Variants in WNK1 observed in about 807,000 individuals in gnomAD.
WNK1 encodes the protein WNK lysine deficient protein kinase 1, also known as serine/threonine-protein kinase WNK1.
Under a neutral mutation model 222.8 loss-of-function variants are expected in WNK1, and 38 were observed. That is an observed-to-expected ratio of 0.17 (90% CI 0.13 to 0.22). The LOEUF (loss-of-function observed/expected upper bound fraction) is 0.22. WNK1 is among the 10% of genes least tolerant of loss of function. WNK1 has a pLI of 1.00. For missense variants in WNK1, 2,348 were observed against 2,918.4 expected (o/e 0.80, Z 4.50); for synonymous variants, 1,090 against 1,092.9 (o/e 1.00, Z 0.05).
intron 1 of WNK1, among the ~76,000 whole-genome samples, chr12:799,710 G>A (rs951999446): frequency 1.3e-5 from 2 of 150,854 alleles, no homozygotes; most frequent in South Asian, 4.2e-4. Flanking sequence ...TTTTTGAGAC[G>A]GAATCTTGCT....
chr12:778,396 C>A (rs1943337983), intron 1 of WNK1, among the ~76,000 whole-genome samples: 1 of 151,808 alleles, frequency 6.6e-6, no homozygotes. Flanking sequence ...GCAGTGGCGC[C>A]ATCTTGGCTC....
intron 6 of WNK1, 66 bp downstream of exon 6, chr12:859,530 A>C: frequency 7.6e-7 from 1 of 1,312,456 alleles, no homozygotes; most frequent in African/African-American, 1.5e-5. Flanking sequence ...TCATTAAGCA[A>C]AAAAGCAGTT....
chr12:865,623 T>C (rs1274515628), intron 8 of WNK1, among the ~76,000 whole-genome samples: 1 of 152,200 alleles, frequency 6.6e-6, no homozygotes, highest in African/African-American at 2.4e-5. Context: ...TTACCTTTCA[T>C]TATATCTTCC....
chr12:872,094 A>G (rs1247661990), intron 9 of WNK1, among the ~76,000 whole-genome samples: 1 of 152,090 alleles, frequency 6.6e-6, no homozygotes, highest in Non-Finnish European at 1.5e-5. Flanking sequence ...ATGAAAACCT[A>G]AGAACAATTA....
chr12:837,062 G>A (rs1011585546), intron 4 of WNK1, among the ~76,000 whole-genome samples: 9 of 152,122 alleles, frequency 5.9e-5, no homozygotes, highest in Non-Finnish European at 1.0e-4. Context: ...ATTTAAAGGC[G>A]TTTAATTGAG....
chr12:850,233 T>C (rs1950319462), intron 4 of WNK1, among the ~76,000 whole-genome samples: 1 of 152,290 alleles, frequency 6.6e-6, no homozygotes, highest in African/African-American at 2.4e-5. Context: ...GCACCTGTTG[T>C]TTCCTGACTT....
At chr12:860,682 A>G (rs867703948) in intron 6 of WNK1, among the ~76,000 whole-genome samples, 1 of 152,224 alleles carries the variant, frequency 6.6e-6, no homozygotes, top group African/African-American at 2.4e-5. Flanking sequence ...GGGGAAATAC[A>G]GTGAATAGAA....
intron 8 of WNK1, chr12:867,937 TC>T: frequency 6.2e-7 from 1 of 1,614,004 alleles, no homozygotes; most frequent in Non-Finnish European, 8.5e-7. Flanking sequence ...TCCCAACTAT[TC>T]ATGAACGTCC....
At chr12:879,463 T>TTTTTTTCTTC in intron 10 of WNK1, 110 bp from the exon 11 acceptor site, 3 of 738,272 alleles carry the variant, frequency 4.1e-6, no homozygotes, top group South Asian at 3.7e-5. Flanking sequence ...TTTTTGTTTG[T>TTTTTTTCTTC]TTTTTCCTTC....
At position 908,867 on chromosome 12, in the gene WNK1, G is replaced by T. The variant is rs762234459; in HGVS notation, c.*75G>T. ...AGGGGGTGGGTGGGGGTGGGAAGTA[G>T]CCTATATACTAACTACTAGTGCTGC... On this transcript the variant is annotated 3_prime_UTR_variant, in exon 28 of 28. Coordinates refer to ENST00000315939, the MANE Select transcript of WNK1 (RefSeq NM_018979.4). 7.6e-7 allele frequency: 1 copy of T among 1,324,070 alleles called. No individual in the cohort carries two copies. 82.0% of individuals were successfully genotyped at this position (1,324,070 alleles called of 1,614,324 possible). A position where few individuals can be genotyped will look rare whatever the true frequency, so the allele number is the denominator to read the frequency against.
At chr12:817,573 C>T (rs1947463776) in intron 2 of WNK1, among the ~76,000 whole-genome samples, 1 of 152,102 alleles carries the variant, frequency 6.6e-6, no homozygotes, top group African/African-American at 2.4e-5. Context: ...CCTTTGTTCT[C>T]TATGTATATT....
At chr12:890,602 C>A in intron 22 of WNK1, 89 bp downstream of exon 22, 1 of 1,348,062 alleles carries the variant, frequency 7.4e-7, no homozygotes, top group African/African-American at 1.4e-5. Context: ...AGACACATTT[C>A]CACGTATTTG....
At chr12:765,356 T>C (rs1941557323) in intron 1 of WNK1, among the ~76,000 whole-genome samples, 2 of 146,382 alleles carry the variant, frequency 1.4e-5, no homozygotes, top group Admixed American at 1.4e-4. Context: ...AAGACCAGCC[T>C]GGGCAACATA....
chr12:828,024 A>G (rs1233869663), intron 3 of WNK1, among the ~76,000 whole-genome samples: 1 of 152,048 alleles, frequency 6.6e-6, no homozygotes, highest in African/African-American at 2.4e-5. Context: ...TTGGCCAAGC[A>G]CAATGGCTCA....
rs1204227298 is a variant in WNK1, at chr12:908,572, C to T, written c.6929C>T (p.Ala2310Val). ...TCTGCCCCCATCTCTGCAGCATCAG[C>T]TACCTCTCTAGGTCACTTCACCAAG... ...GGSAPISAAS[A>V]TSLGHFTKSM... is the part of the protein sequence containing the mutation. Residue 2310 changes from alanine to valine, a missense_variant, in exon 28 of 28, where the codon GCT becomes GTT. Around this residue, in one of 13 missense-constraint regions of WNK1, gnomAD observed 55 missense variants for 104.1 expected, o/e 0.53. Coordinates refer to ENST00000315939, the MANE Select transcript of WNK1 (RefSeq NM_018979.4). The T allele has an allele frequency of 6.2e-7, 1 of 1,614,048 alleles. No homozygotes were observed. Among genetic ancestry groups the T allele is most frequent in the Non-Finnish European group, 8.5e-7 (1 of 1,180,046 alleles).
At chr12:860,659 G>A (rs1320464581) in intron 6 of WNK1, among the ~76,000 whole-genome samples, 1 of 152,206 alleles carries the variant, frequency 6.6e-6, no homozygotes, top group African/African-American at 2.4e-5. Flanking sequence ...TAATGTTAGT[G>A]GTTACGTGTG....
At chr12:786,926 C>T (rs1275385768) in intron 1 of WNK1, among the ~76,000 whole-genome samples, 2 of 151,908 alleles carry the variant, frequency 1.3e-5, no homozygotes, top group South Asian at 4.2e-4. Context: ...GGTCTTCTTC[C>T]TGCCTTCTAT....
In WNK1 at chr12:907,831, CTGTTGCTTA is replaced by C. The variant is rs1955836723; in HGVS notation, c.6644-14_6644-6del. On this transcript the variant is annotated splice_polypyrimidine_tract_variant and splice_region_variant and intron_variant, in intron 26 of 27. Coordinates refer to ENST00000315939, the MANE Select transcript of WNK1 (RefSeq NM_018979.4). The stretch of plus-strand genomic sequence containing the variant: ...CTAGGCTTCTTTTAATGCTCGTATT[CTGTTGCTTA>C]TAATAGGAACCAGCAGCACAAACAC... 6.2e-7 allele frequency: 1 copy of C among 1,612,984 alleles called. No homozygotes were observed. Among genetic ancestry groups the C allele is most frequent in the Non-Finnish European group, 8.5e-7 (1 of 1,180,000 alleles).
chr12:906,361 CCT>C, intron 26 of WNK1: 1 of 985,322 alleles, frequency 1.0e-6, no homozygotes, highest in Non-Finnish European at 1.2e-6. Context: ...TAGACTCCCT[CCT>C]CTCTCATCAA....
Sources: gnomAD v4.1 joint callset for allele counts (sites outside exome capture counted in the v4.1 genomes callset) on GRCh38, gnomAD v4.1.1 for gene constraint, gnomAD v4.1.1 regional missense constraint, MANE v1.5 for transcripts, NCBI Gene and HGNC (gene_info 2026-07-23, HGNC 2026-07-21) for gene names.